The following PIN4 variants were observed in gnomAD, a reference collection of about 807,000 sequenced individuals.
The protein encoded by PIN4 is peptidyl-prolyl cis-trans isomerase NIMA-interacting 4.
Under a neutral mutation model 8.3 loss-of-function variants are expected in PIN4, and 3 were observed. The observed-to-expected ratio is 0.36, with a 90% confidence interval of 0.16 to 0.93. The LOEUF is 0.93. Ranked by LOEUF, PIN4 falls within the 40% of genes least tolerant of loss-of-function variation. The pLI, the probability that PIN4 is intolerant of heterozygous loss-of-function variation, is 0.44. For synonymous variants in PIN4, 18 were observed against 32.5 expected (o/e 0.55, Z 1.52); for missense variants, 75 against 100.6 (o/e 0.75, Z 1.09).
intron 3 of PIN4, among the ~76,000 whole-genome samples, chrX:72,253,782 A>C (rs981211507): frequency 4.6e-5 from 5 of 108,657 alleles, no homozygotes; most frequent in Non-Finnish European, 9.5e-5. Context: ...AAAAAAAAAA[A>C]CAAAAGAAAA....
chrX:72,205,402 C>T, intron 3 of PIN4: 3 of 1,211,969 alleles, frequency 2.5e-6, no homozygotes, highest in Non-Finnish European at 3.3e-6. Context: ...ATCTTCAGGA[C>T]CCTTTGCTTC....
chrX:72,245,448 G>GTGTGA (rs1264737365), intron 3 of PIN4, among the ~76,000 whole-genome samples: 1 of 111,905 alleles, frequency 8.9e-6, no homozygotes, highest in East Asian at 2.8e-4. Flanking sequence ...AGGATTACAG[G>GTGTGA]TGTGAGCCAC....
chrX:72,210,778 CACA>C (rs1569490325), intron 3 of PIN4, among the ~76,000 whole-genome samples: 2 of 111,723 alleles, frequency 1.8e-5, no homozygotes, highest in Admixed American at 9.5e-5. Context: ...CTGCCTGAAC[CACA>C]ACGAGAGTTT....
chrX:72,251,034 C>G (rs1345455973), intron 3 of PIN4, among the ~76,000 whole-genome samples: 1 of 107,013 alleles, frequency 9.3e-6, no homozygotes, highest in African/African-American at 3.4e-5. Context: ...GCCACCACGC[C>G]CGGCCTGGTA....
intron 2 of PIN4, among the ~76,000 whole-genome samples, chrX:72,191,982 A>G (rs1159825945): frequency 9.2e-6 from 1 of 108,597 alleles, no homozygotes; most frequent in African/African-American, 3.4e-5. Flanking sequence ...ATGGAGTCTC[A>G]CTCTTGTTGC....
At position 72,206,433 on chromosome X, in the gene PIN4, A is replaced by C. The variant is rs780115534; in HGVS notation, c.312+9529A>C. 9.1e-6 allele frequency: 11 copies of C among 1,210,727 alleles called. No individual in the cohort carries two copies. The Admixed American group carries it at 2.4e-4, about 26-fold the overall frequency. ...GTTTCTCACCCTCTTTGGGCAGATC[A>C]TCAATGACTACACTTGCCATTTTGG... is the stretch of plus-strand genomic sequence containing the variant. On this transcript the variant is annotated intron_variant, in intron 3 of 3. Coordinates refer to the PIN4 transcript ENST00000423432.
intron 3 of PIN4, among the ~76,000 whole-genome samples, chrX:72,228,776 G>A (rs2042967321): frequency 9.1e-6 from 1 of 109,797 alleles, no homozygotes; most frequent in Non-Finnish European, 1.9e-5. Context: ...AATACCCTAA[G>A]TACATCAACC....
At chrX:72,185,263 C>T (rs748769718) in intron 1 of PIN4, among the ~76,000 whole-genome samples, 1 of 110,552 alleles carries the variant, frequency 9.0e-6, no homozygotes, top group Non-Finnish European at 1.9e-5. Context: ...CTACCTCCCT[C>T]AGGCAGGCTC....
Position 72,196,793 on chromosome X carries a change from C to T in PIN4, c.126C>T (p.His42=), listed in dbSNP as rs758379340. 3.7e-5 allele frequency: 45 copies of T among 1,201,936 alleles called. No individual in the cohort carries two copies. Among genetic ancestry groups the T allele is most frequent in the Non-Finnish European group, 4.5e-5 (40 of 890,974 alleles). The change falls in exon 3 of 4, where the codon CAC becomes CAT. Residue 42 remains histidine, a synonymous_variant. Transcript: ENST00000373669. ...GTACTTTTTCCTTGCAGGTCAGACA[C>T]ATTCTATGTGAAAAACATGGCAAAA... ...KGGGNAVKVR[H]ILCEKHGKIM... is the part of the protein sequence containing the mutation.
chrX:72,203,927 A>G (rs2042801968), intron 3 of PIN4, among the ~76,000 whole-genome samples: 2 of 111,569 alleles, frequency 1.8e-5, no homozygotes, highest in South Asian at 3.7e-4. Flanking sequence ...TTTTCAGTCT[A>G]CAATCCAAAG....
chrX:72,193,374 C>T (rs2042746231), intron 2 of PIN4, among the ~76,000 whole-genome samples: 1 of 108,955 alleles, frequency 9.2e-6, no homozygotes, highest in Non-Finnish European at 1.9e-5. Flanking sequence ...GGAGGTATTC[C>T]AGAAGAAGGC....
intron 3 of PIN4, among the ~76,000 whole-genome samples, chrX:72,223,997 C>T (rs2042940599): frequency 9.0e-6 from 1 of 111,154 alleles, no homozygotes; most frequent in Non-Finnish European, 1.9e-5. Flanking sequence ...CCCTGTGAGG[C>T]CCCCTGACCA....
chrX:72,188,557 C>G (rs1177451003), intron 2 of PIN4, among the ~76,000 whole-genome samples: 2 of 111,988 alleles, frequency 1.8e-5, no homozygotes, highest in Non-Finnish European at 3.8e-5. Flanking sequence ...TGAGGTTTCA[C>G]CATGTTGGCC....
chrX:72,213,537 A>T (rs1281477900), intron 3 of PIN4, among the ~76,000 whole-genome samples: 3 of 111,700 alleles, frequency 2.7e-5, no homozygotes, highest in Non-Finnish European at 5.7e-5. Flanking sequence ...GCTTTCGCTC[A>T]CCGTCCACCA....
chrX:72,243,529 TTGA>T (rs1178675015), intron 3 of PIN4, among the ~76,000 whole-genome samples: 1 of 111,768 alleles, frequency 8.9e-6, no homozygotes, highest in African/African-American at 3.2e-5. Flanking sequence ...TGGCAAAATG[TTGA>T]TAATTGTTGA....
chrX:72,230,280 C>G (rs2147602250), intron 3 of PIN4, among the ~76,000 whole-genome samples: 1 of 111,253 alleles, frequency 9.0e-6, no homozygotes, highest in Non-Finnish European at 1.9e-5. Context: ...CAGAGACATG[C>G]TAGCCCCAAG....
chrX:72,194,200 G>A, intron 2 of PIN4, among the ~76,000 whole-genome samples: 1 of 110,779 alleles, frequency 9.0e-6, no homozygotes, highest in Non-Finnish European at 1.9e-5. Context: ...AGGAGTTCGA[G>A]ACCAGCCTGA....
intron 2 of PIN4, among the ~76,000 whole-genome samples, chrX:72,194,402 G>A (rs1177600637): frequency 9.0e-6 from 1 of 111,473 alleles, no homozygotes; most frequent in East Asian, 2.8e-4. Flanking sequence ...GTGTGGTGGC[G>A]CGTGCCTGTA....
At chrX:72,224,248 T>C (rs1373431490) in intron 3 of PIN4, among the ~76,000 whole-genome samples, 1 of 111,598 alleles carries the variant, frequency 9.0e-6, no homozygotes, top group Non-Finnish European at 1.9e-5. Flanking sequence ...AGAACTTCCA[T>C]ACAAAACACT....
Sources: gnomAD v4.1 joint callset for allele counts (sites outside exome capture counted in the v4.1 genomes callset) on GRCh38, gnomAD v4.1.1 for gene constraint, MANE v1.5 for transcripts, NCBI Gene and HGNC (gene_info 2026-07-23, HGNC 2026-07-21) for gene names.